The following CCDC9 variants were observed in gnomAD, a reference collection of about 807,000 sequenced individuals.
CCDC9 encodes coiled-coil domain-containing protein 9.
Under a neutral mutation model 65.6 loss-of-function variants are expected in CCDC9, and 52 were observed. That is an observed-to-expected ratio of 0.79 (90% CI 0.63 to 1.00). CCDC9 has a LOEUF of 1.00. Ranked by LOEUF, CCDC9 falls within the 50% of genes least tolerant of loss-of-function variation. The probability of loss-of-function intolerance (pLI) is 0.00; values close to 1 mark genes in which losing one functional copy is unlikely to be tolerated. For missense variants in CCDC9, 834 were observed against 757.2 expected (o/e 1.10, Z -1.19); for synonymous variants, 332 against 280.3 (o/e 1.18, Z -1.84).
In CCDC9 at chr19:47,260,926, CTG is replaced by C. The variant is rs1253776643; in HGVS notation, c.462+93_462+94del. ...TCCTCCTCTCAGATGCACATTTGTC[CTG>C]TGTGTCCATCTTTCAGTATCTCTCT... On this transcript the variant is annotated intron_variant, in intron 5 of 11. Coordinates refer to ENST00000221922, the MANE Select transcript of CCDC9 (RefSeq NM_015603.3). 2.1e-6 allele frequency: 3 copies of C among 1,450,494 alleles called. No homozygotes were observed. The East Asian group carries it at 7.1e-5, about 34-fold the overall frequency. The allele number at this position is 1,450,494 out of a possible 1,614,324, so 89.9% of individuals were successfully genotyped here.
At chr19:47,272,444 GTT>G (rs1380971687), downstream of CCDC9, among the ~76,000 whole-genome samples, 5 of 152,234 alleles carry the variant, frequency 3.3e-5, no homozygotes, top group Admixed American at 6.5e-5. Context: ...GAGCTCAGGG[GTT>G]TTGGAAAGCA....
At chr19:47,270,335 C>A in intron 8 of CCDC9, 72 bp from the exon 9 acceptor site, 1 of 1,458,834 alleles carries the variant, frequency 6.9e-7, no homozygotes, top group Non-Finnish European at 9.6e-7. Context: ...TGACCCTGAC[C>A]TCTCCCATCT....
chr19:47,272,240 G>T (rs1415186432), downstream of CCDC9: 6 of 973,874 alleles, frequency 6.2e-6, no homozygotes, highest in Non-Finnish European at 6.6e-6. Context: ...GGCTTGGGGG[G>T]AGTGGGGTGA....
At chr19:47,275,072 C>T, downstream of CCDC9, 1 of 1,496,654 alleles carries the variant, frequency 6.7e-7, no homozygotes, top group Non-Finnish European at 8.9e-7. Flanking sequence ...CCGTGTACTA[C>T]GGTCTCATCT....
intron 3 of CCDC9, among the ~76,000 whole-genome samples, chr19:47,259,536 G>A (rs2059031575): frequency 6.6e-6 from 1 of 152,166 alleles, no homozygotes. Context: ...CAGGGCAGGG[G>A]GAGGAAGAGG....
rs1481223268 is a variant in CCDC9 at position 47,271,149 on chromosome 19, A to G, written c.1153A>G (p.Thr385Ala). The change falls in exon 11 of 12, where the codon ACT becomes GCT. Residue 385 changes from threonine (T) to alanine (A), a missense_variant. Physicochemically the swap from Thr to Ala is moderately conservative, Grantham distance 58 (BLOSUM62 0). Coordinates refer to ENST00000221922, the MANE Select transcript of CCDC9 (RefSeq NM_015603.3). ...ASPAPETPQPTSPETSPKETP... is the reference protein window; with the variant it reads ...ASPAPETPQPASPETSPKETP... ...CCCAGCCCCTGAGACTCCACAGCCT[A>G]CTTCCCCCGAGACTTCCCCCAAGGA... The G allele has an allele frequency of 6.3e-7, 1 of 1,589,894 alleles. No homozygotes were observed. The highest frequency in any genetic ancestry group is 8.5e-7 in the Non-Finnish European group (1 of 1,170,046).
chr19:47,258,583 A>G lies in CCDC9; in HGVS notation c.28A>G (p.Lys10Glu), dbSNP rs902349516. 4 of 1,614,082 alleles carry G rather than the reference A, an allele frequency of 2.5e-6. No homozygotes were observed. The highest frequency in any genetic ancestry group is 1.3e-5 in the African/African-American group (1 of 75,038). ...GGCAGCCACACTCGATTTGAAATCA[A>G]AGGAGGAGAAGGATGCTGAGTTGGA... Reference protein sequence around the residue: MAATLDLKSKEEKDAELDKR... With the variant: MAATLDLKSEEEKDAELDKR... The change falls in exon 3 of 12, where the codon AAG becomes GAG. Residue 10 changes from lysine (K) to glutamate (E), a missense_variant. Transcript: ENST00000221922.
downstream of CCDC9, chr19:47,275,263 G>T: frequency 6.5e-7 from 1 of 1,540,132 alleles, no homozygotes; most frequent in Non-Finnish European, 8.7e-7. Flanking sequence ...AGCCGCCGCC[G>T]CCGCTACAGC....
intron 5 of CCDC9, among the ~76,000 whole-genome samples, chr19:47,261,422 G>C (rs1030508909): frequency 1.3e-5 from 2 of 152,184 alleles, no homozygotes; most frequent in African/African-American, 4.8e-5. Context: ...AGCAGGGTGG[G>C]AGTCTGTCTA....
Position 47,270,094 on chromosome 19 carries a change from G to A in CCDC9, c.903-313G>A, listed in dbSNP as rs187096996. On this transcript the variant is annotated intron_variant, in intron 8 of 11. Transcript: ENST00000221922. ...AGTGATCCTCCCTCCTCAGCCTCCC[G>A]AGTAGCTGAGATTACAGGCACGTGC... Among the ~76,000 whole-genome samples, 7 of 151,750 alleles carry A rather than the reference G, an allele frequency of 4.6e-5. No individual in the cohort carries two copies. The South Asian group carries it at 1.0e-3, about 23-fold the overall frequency.
At chr19:47,273,649 G>A (rs1355284435), downstream of CCDC9, 2 of 392,422 alleles carry the variant, frequency 5.1e-6, no homozygotes, top group African/African-American at 2.1e-5. Context: ...GGACGTCACG[G>A]CACTGGGACG....
intron 10 of CCDC9, 50 bp downstream of exon 10, chr19:47,270,738 GC>G: frequency 6.5e-7 from 1 of 1,544,848 alleles, no homozygotes; most frequent in Non-Finnish European, 8.7e-7. Flanking sequence ...TCTCCGCAGG[GC>G]GTTCTCTTCT....
intron 8 of CCDC9, among the ~76,000 whole-genome samples, chr19:47,268,911 C>A (rs566780876): frequency 6.6e-6 from 1 of 151,284 alleles, no homozygotes; most frequent in African/African-American, 2.4e-5. Flanking sequence ...GAGAGAGACT[C>A]CGTTTCAAAA....
chr19:47,270,634 G>A lies in CCDC9; in HGVS notation c.1031G>A (p.Arg344His), dbSNP rs778362376. The A allele has an allele frequency of 2.0e-5, 33 of 1,612,790 alleles. No homozygotes were observed. The Middle Eastern group carries it at 5.9e-4, about 29-fold the overall frequency. The change falls in exon 10 of 12, where the codon CGC (arginine) becomes CAC (histidine). Residue 344 changes from arginine (R) to histidine (H), a missense_variant. Coordinates refer to ENST00000221922, the MANE Select transcript of CCDC9 (RefSeq NM_015603.3). ...CAGCACAAAGCTGAGGCCAGCAGCCGCAGAAGGAGAAAGAGCAGTCGGCCC... is the reference window on the plus strand; with the variant it reads ...CAGCACAAAGCTGAGGCCAGCAGCCACAGAAGGAGAAAGAGCAGTCGGCCC... ...LSQHKAEASS[R>H]RRRKSSRPQA...
At position 47,264,823 on chromosome 19, in the gene CCDC9, G is replaced by A. The variant is rs993436511; in HGVS notation, c.597G>A (p.Arg199=). 22 of 1,560,354 alleles carry A rather than the reference G, an allele frequency of 1.4e-5. No homozygotes were observed. In the African/African-American group the frequency reaches 1.6e-4, roughly 12 times the overall value. ...NPVRNFLDDP[R]RRSGPLEESE... The stretch of plus-strand genomic sequence containing the variant: ...TGCGGAACTTCCTGGACGACCCCCG[G>A]CGACGCAGCGGGCCCCTGGAGGAGT... Residue 199 remains arginine, a synonymous_variant, in exon 7 of 12, where the codon CGG becomes CGA. Coordinates refer to ENST00000221922, the MANE Select transcript of CCDC9 (RefSeq NM_015603.3).
At chr19:47,272,292 A>T, downstream of CCDC9, 8 of 430,244 alleles carry the variant, frequency 1.9e-5, no homozygotes, top group Admixed American at 5.9e-5. Flanking sequence ...TGAGGTGAAA[A>T]GGGTGAGCTC....
chr19:47,273,885 G>A (rs2059139904), downstream of CCDC9: 5 of 782,692 alleles, frequency 6.4e-6, no homozygotes, highest in Non-Finnish European at 7.8e-6. Context: ...TGTGCTTGGC[G>A]GGCTTTTCTG....
chr19:47,268,474 G>A (rs2123473632), intron 8 of CCDC9, among the ~76,000 whole-genome samples: 1 of 152,304 alleles, frequency 6.6e-6, no homozygotes, highest in Admixed American at 6.5e-5. Flanking sequence ...GCCTGTGCGA[G>A]TGTGAGAAAT....
chr19:47,274,799 T>G, downstream of CCDC9: 3 of 603,822 alleles, frequency 5.0e-6, no homozygotes, highest in Non-Finnish European at 6.1e-6. Flanking sequence ...GTGACCATGC[T>G]GGCGGGGGCG....
Sources: gnomAD v4.1 joint callset for allele counts (sites outside exome capture counted in the v4.1 genomes callset) on GRCh38, gnomAD v4.1.1 for gene constraint, MANE v1.5 for transcripts, NCBI Gene and HGNC (gene_info 2026-07-23, HGNC 2026-07-21) for gene names.